Variants in CCDC83 observed in about 807,000 individuals in gnomAD.
CCDC83 encodes coiled-coil domain-containing protein 83.
A neutral mutation model predicts 50.1 loss-of-function variants in CCDC83; 54 were observed. The observed-to-expected ratio is 1.08, with a 90% CI of 0.87 to 1.35. The LOEUF (loss-of-function observed/expected upper bound fraction) is 1.35, where lower values mean the gene tolerates loss of function less well. Among genes scored for constraint, CCDC83 ranks in the 40% most tolerant of loss-of-function variants. CCDC83 has a pLI of 0.00. For missense variants in CCDC83, 518 were observed against 473.9 expected (o/e 1.09, Z -0.86); for synonymous variants, 161 against 153.3 (o/e 1.05, Z -0.37).
chr11:85,856,236 A>G (rs1314353154), intron 1 of CCDC83, among the ~76,000 whole-genome samples: 4 of 151,502 alleles, frequency 2.6e-5, no homozygotes, highest in Non-Finnish European at 4.4e-5. Context: ...GACAGAGGGG[A>G]AAAATAATGA....
chr11:85,905,799 C>G (rs1156721455), intron 7 of CCDC83, among the ~76,000 whole-genome samples: 1 of 150,856 alleles, frequency 6.6e-6, no homozygotes, highest in Non-Finnish European at 1.5e-5. Context: ...GAAACCCCGT[C>G]TCTATTAAAA....
chr11:85,894,892 TA>T (rs774878330), intron 5 of CCDC83, among the ~76,000 whole-genome samples: 9 of 152,214 alleles, frequency 5.9e-5, no homozygotes, highest in Non-Finnish European at 7.3e-5. Flanking sequence ...TTTCAAGGCC[TA>T]AAATTTTATG....
Position 85,901,289 on chromosome 11 carries a change from T to C in CCDC83, c.672+2274T>C, listed in dbSNP as rs78759557. Among the ~76,000 whole-genome samples, 677 of 151,908 alleles carry C rather than the reference T, an allele frequency of 4.5e-3. 32 individuals carry two copies. In the East Asian group the frequency reaches 0.12, roughly 26 times the overall value. On this transcript the variant is annotated intron_variant, in intron 7 of 10. Coordinates refer to ENST00000342404, the MANE Select transcript of CCDC83 (RefSeq NM_001286159.2). ...CAAAAATCAAATATAAAACAGGAAA[T>C]AGACCAGGCATGGTGGCCCATGCCT...
At chr11:85,915,954 C>A (rs1471579970) in intron 9 of CCDC83, 74 bp from the exon 10 acceptor site, 2 of 1,001,904 alleles carry the variant, frequency 2.0e-6, no homozygotes, top group African/African-American at 1.6e-5. Flanking sequence ...AAAAATGTGA[C>A]AAAGTATGTA....
At chr11:85,917,955 A>G (rs917771462) in intron 10 of CCDC83, 2 of 152,188 alleles carry the variant, frequency 1.3e-5, no homozygotes, top group African/African-American at 4.8e-5. Flanking sequence ...GCCATGGTGT[A>G]TTACTTGAGA....
intron 8 of CCDC83, 65 bp from the exon 9 acceptor site, chr11:85,915,354 C>CCCTA (rs1302650574): frequency 7.2e-6 from 8 of 1,110,840 alleles, no homozygotes; most frequent in Non-Finnish European, 1.4e-6. Context: ...GAGAGATAGA[C>CCCTA]CCTAGTAAGC....
chr11:85,895,476 A>G, intron 6 of CCDC83, 92 bp downstream of exon 6: 2 of 700,202 alleles, frequency 2.9e-6, no homozygotes, highest in Admixed American at 3.2e-5. Context: ...AACTTTGGAT[A>G]GATTCTCAGA....
Position 85,895,288 on chromosome 11 carries a change from T to TTTTAA in CCDC83, c.512-5_512-4insTTTAA. 4 of 555,898 alleles carry TTTTAA rather than the reference T, an allele frequency of 7.2e-6. No individual in the cohort carries two copies. Among genetic ancestry groups the TTTTAA allele is most frequent in the Non-Finnish European group, 1.1e-5 (4 of 378,352 alleles). The allele number at this position is 555,898 out of a possible 1,614,324, so 34.4% of individuals were successfully genotyped here. On this transcript the variant is annotated splice_region_variant and splice_polypyrimidine_tract_variant and intron_variant, in intron 5 of 10. Transcript: ENST00000342404. ...TCTTTTTTTTTTTTTTTTTTTTTTT[T>TTTTAA]AAAGAACACTATAAAATCACTCTGG...
intron 3 of CCDC83, among the ~76,000 whole-genome samples, chr11:85,875,136 G>T (rs1158464691): frequency 6.6e-6 from 1 of 152,212 alleles, no homozygotes; most frequent in Admixed American, 6.5e-5. Flanking sequence ...ATTTTTATGG[G>T]TTCAGAGTAG....
chr11:85,895,293 A>G lies in CCDC83; in HGVS notation c.512A>G (p.Glu171Gly). Residue 171 changes from glutamate to glycine, a missense_variant and splice_region_variant, in exon 6 of 11, where the codon GAA (glutamate) becomes GGA (glycine). Glu to Gly is a moderately conservative substitution (Grantham distance 98). Coordinates refer to ENST00000342404, the MANE Select transcript of CCDC83 (RefSeq NM_001286159.2). The stretch of plus-strand genomic sequence containing the variant: ...TTTTTTTTTTTTTTTTTTTTTAAAG[A>G]ACACTATAAAATCACTCTGGAAGAT... The part of the protein sequence containing the change: ...TVKENAEKMS[E>G]HYKITLEDTR... 9.8e-7 allele frequency: 1 copy of G among 1,015,790 alleles called. No homozygotes were observed. The highest frequency in any genetic ancestry group is 1.4e-6 in the Non-Finnish European group (1 of 696,756). The allele number at this position is 1,015,790 out of a possible 1,614,324, so 62.9% of individuals were successfully genotyped here.
At chr11:85,887,992 T>C (rs1484015312) in intron 5 of CCDC83, among the ~76,000 whole-genome samples, 2 of 152,014 alleles carry the variant, frequency 1.3e-5, no homozygotes, top group Non-Finnish European at 2.9e-5. Flanking sequence ...TTTGTAGAGG[T>C]CTCACTGTGT....
chr11:85,887,202 C>A (rs2093331255), intron 5 of CCDC83, among the ~76,000 whole-genome samples: 1 of 152,154 alleles, frequency 6.6e-6, no homozygotes, highest in Admixed American at 6.5e-5. Context: ...CTTACCAGGA[C>A]TAGATCTGGA....
chr11:85,889,503 T>C (rs188239248), intron 5 of CCDC83, among the ~76,000 whole-genome samples: 1 of 152,366 alleles, frequency 6.6e-6, no homozygotes, highest in East Asian at 1.9e-4. Context: ...TGTTATGGGC[T>C]TGTGTTATTT....
intron 9 of CCDC83, 29 bp downstream of exon 9, chr11:85,915,527 AT>A (rs2093473654): frequency 6.7e-7 from 1 of 1,484,746 alleles, no homozygotes; most frequent in East Asian, 2.3e-5. Context: ...AATGATGATG[AT>A]TTTTTTCAAA....
At chr11:85,869,087 A>AT (rs1309992770) in intron 2 of CCDC83, among the ~76,000 whole-genome samples, 1 of 152,218 alleles carries the variant, frequency 6.6e-6, no homozygotes, top group Non-Finnish European at 1.5e-5. Context: ...CAGGAAACAA[A>AT]TTTTTTAACG....
chr11:85,898,940 C>A lies in CCDC83; in HGVS notation c.604-7C>A. The A allele has an allele frequency of 6.2e-7, 1 of 1,605,484 alleles. No individual in the cohort carries two copies. The highest frequency in any genetic ancestry group is 8.5e-7 in the Non-Finnish European group (1 of 1,174,674). On this transcript the variant is annotated splice_region_variant and splice_polypyrimidine_tract_variant and intron_variant, in intron 6 of 10. Transcript: ENST00000342404. ...AACTCTTCCTTAATCCAGAAACTTTCTTTTAGAATGCTGTAAAGCTCATTG... is the reference window on the plus strand; with the variant it reads ...AACTCTTCCTTAATCCAGAAACTTTATTTTAGAATGCTGTAAAGCTCATTG...
rs1328592665 is a variant in CCDC83 at position 85,911,190 on chromosome 11, A to AAC, written c.673-90_673-89insCA. On this transcript the variant is annotated intron_variant, in intron 7 of 10. Coordinates refer to ENST00000342404, the MANE Select transcript of CCDC83 (RefSeq NM_001286159.2). ...CCGTCTCAAATAAAAAAAAAAAAAA[A>AAC]AAGAAAGAAAAAAGAAAAAAATAAA... The AAC allele has an allele frequency of 2.9e-5, 33 of 1,128,378 alleles. No homozygotes were observed. The East Asian group carries it at 8.6e-4, about 30-fold the overall frequency. 69.9% of individuals were successfully genotyped at this position (1,128,378 alleles called of 1,614,324 possible). A position where few individuals can be genotyped will look rare whatever the true frequency, so the allele number is the denominator to read the frequency against.
intron 10 of CCDC83, among the ~76,000 whole-genome samples, chr11:85,918,897 A>C (rs367845981): frequency 2.4e-3 from 361 of 152,356 alleles, no homozygotes; most frequent in South Asian, 9.1e-3. Context: ...GGGATATTTA[A>C]CCTTTTATCT....
intron 3 of CCDC83, among the ~76,000 whole-genome samples, chr11:85,876,637 TG>T (rs1439441347): frequency 6.6e-6 from 1 of 152,220 alleles, no homozygotes; most frequent in African/African-American, 2.4e-5. Flanking sequence ...CCCAAATAGC[TG>T]GGATTACAGG....
Sources: gnomAD v4.1 joint callset for allele counts (sites outside exome capture counted in the v4.1 genomes callset) on GRCh38, gnomAD v4.1.1 for gene constraint, MANE v1.5 for transcripts, NCBI Gene and HGNC (gene_info 2026-07-23, HGNC 2026-07-21) for gene names.